SLC38A11: variants seen among roughly 807,000 people sequenced by gnomAD.
SLC38A11 encodes putative sodium-coupled neutral amino acid transporter 11.
A neutral mutation model predicts 49.4 loss-of-function variants in SLC38A11; 51 were observed. The observed-to-expected ratio is 1.03, with a 90% CI of 0.83 to 1.30. The LOEUF (loss-of-function observed/expected upper bound fraction) is 1.30. SLC38A11 is among the 50% of genes most tolerant of loss of function. The pLI, the probability that SLC38A11 is intolerant of heterozygous loss-of-function variation, is 0.00. For synonymous variants in SLC38A11, 203 were observed against 192.9 expected (o/e 1.05, Z -0.43); for missense variants, 574 against 556.2 (o/e 1.03, Z -0.32).
At chr2:164,908,800 G>A in intron 10 of SLC38A11, 29 bp from the exon 11 acceptor site, 1 of 1,587,004 alleles carries the variant, frequency 6.3e-7, no homozygotes, top group Admixed American at 1.8e-5. Context: ...ATTTTGAGAG[G>A]GACTTTTAAA....
rs1401538063 is a variant in SLC38A11, at chr2:164,915,752, T to C, written c.688+151A>G. The C allele has an allele frequency of 1.2e-5, 7 of 597,384 alleles. No individual in the cohort carries two copies. The East Asian group carries it at 1.5e-4, about 13-fold the overall frequency. 37.0% of individuals were successfully genotyped at this position (597,384 alleles called of 1,614,324 possible). A position where few individuals can be genotyped will look rare whatever the true frequency, so the allele number is the denominator to read the frequency against. On this transcript the variant is annotated intron_variant, in intron 8 of 11. Coordinates refer to ENST00000685975, the MANE Select transcript of SLC38A11 (RefSeq NM_001351537.2). ...ATGAGTGAGAAAAGTTTGAGCCTAATTTTATATTGGCACAAACTAGATCAT... is the reference window on the plus strand; with the variant it reads ...ATGAGTGAGAAAAGTTTGAGCCTAACTTTATATTGGCACAAACTAGATCAT...
At chr2:164,943,631 T>G (rs1308455186) in intron 5 of SLC38A11, among the ~76,000 whole-genome samples, 1 of 152,086 alleles carries the variant, frequency 6.6e-6, no homozygotes, top group Non-Finnish European at 1.5e-5. Flanking sequence ...TGGGGAAAAC[T>G]GGAGGGAGTG....
chr2:164,924,719 T>TTTATTTA (rs910202508), intron 7 of SLC38A11, among the ~76,000 whole-genome samples: 3 of 151,798 alleles, frequency 2.0e-5, no homozygotes, highest in Admixed American at 1.3e-4. Context: ...AAATATAAAT[T>TTTATTTA]TTATTTATTA....
In SLC38A11 at chr2:164,898,682, A is replaced by T. The variant is rs1684460590; in HGVS notation, c.1144T>A (p.Tyr382Asn). The change falls in exon 12 of 12, where the codon TAT becomes AAT. Residue 382 changes from tyrosine to asparagine, a missense_variant. Tyr to Asn is a moderately radical substitution (Grantham distance 143, BLOSUM62 -2). Transcript: ENST00000685975. ...CTTGGTTCTTCAGACAGTTTCAGAT[A>T]ACAGGCTGATGGAATGATAAAAATG... ...PLIFIIPSAC[Y>N]LKLSEEPRTH... The T allele has an allele frequency of 6.2e-7, 1 of 1,613,382 alleles. No individual in the cohort carries two copies. The highest frequency in any genetic ancestry group is 1.7e-5 in the Admixed American group (1 of 59,880).
intron 7 of SLC38A11, among the ~76,000 whole-genome samples, 173 bp from the exon 8 acceptor site, chr2:164,916,146 G>A (rs2105464350): frequency 6.6e-6 from 1 of 152,146 alleles, no homozygotes; most frequent in African/African-American, 2.4e-5. Context: ...GAGCATGAGT[G>A]TTATCTCTTA....
At chr2:164,953,537 G>T (rs1688659228) in intron 2 of SLC38A11, among the ~76,000 whole-genome samples, 1 of 152,082 alleles carries the variant, frequency 6.6e-6, no homozygotes, top group African/African-American at 2.4e-5. Context: ...AAGTACAGCT[G>T]CTCATACCTT....
At chr2:164,943,257 G>A (rs1404256493) in intron 5 of SLC38A11, among the ~76,000 whole-genome samples, 1 of 152,166 alleles carries the variant, frequency 6.6e-6, no homozygotes, top group Non-Finnish European at 1.5e-5. Context: ...AACAGGGAGT[G>A]GAGTTGTAGC....
At position 164,939,536 on chromosome 2, in the gene SLC38A11, T is replaced by C. The variant is rs1195148808; in HGVS notation, c.451A>G (p.Ile151Val). The change falls in exon 6 of 12, where the codon ATT (isoleucine) becomes GTT (valine). Residue 151 changes from isoleucine (I) to valine (V), a missense_variant. Physicochemically the swap from Ile to Val is conservative, Grantham distance 29. Coordinates refer to ENST00000685975, the MANE Select transcript of SLC38A11 (RefSeq NM_001351537.2). ...IPGVDPENVF[I>V]GRHFIIGLST... Reference sequence around the variant, plus strand: ...AGTCCAATAATGAAGTGGCGACCAATAAACACGTTTTCAGGATCAACTAAA... The same window carrying C: ...AGTCCAATAATGAAGTGGCGACCAACAAACACGTTTTCAGGATCAACTAAA... 6.2e-7 allele frequency: 1 copy of C among 1,609,364 alleles called. No homozygotes were observed. The highest frequency in any genetic ancestry group is 2.2e-5 in the East Asian group (1 of 44,672).
chr2:164,944,395 T>G (rs970384863), intron 5 of SLC38A11, among the ~76,000 whole-genome samples, 174 bp downstream of exon 5: 7 of 152,126 alleles, frequency 4.6e-5, no homozygotes, highest in Admixed American at 3.3e-4. Context: ...AAATTATGTA[T>G]AAAAGTAGAC....
chr2:164,951,730 G>A (rs1869545), intron 3 of SLC38A11, among the ~76,000 whole-genome samples: 66,692 of 151,884 alleles, frequency 0.44, 15,073 homozygotes, highest in South Asian at 0.68. Context: ...AGGGGTCTGT[G>A]GATGAAATGC....
intron 3 of SLC38A11, among the ~76,000 whole-genome samples, chr2:164,946,349 C>T (rs906162744): frequency 6.6e-6 from 1 of 151,926 alleles, no homozygotes. Context: ...GGGCAGATCT[C>T]GAGGTCAGGA....
At chr2:164,911,128 A>C (rs1018931524) in intron 10 of SLC38A11, among the ~76,000 whole-genome samples, 12 of 151,982 alleles carry the variant, frequency 7.9e-5, no homozygotes, top group African/African-American at 2.9e-4. Context: ...GTTTCAGTTG[A>C]ATTTTGGTTC....
In SLC38A11 at chr2:164,945,657, A is replaced by G; in HGVS notation, c.300T>C (p.Asn100=). 1 of 1,612,222 alleles carries G rather than the reference A, an allele frequency of 6.2e-7. No homozygotes were observed. The highest frequency in any genetic ancestry group is 8.5e-7 in the Non-Finnish European group (1 of 1,179,640). ...GATACCCTGGAAAGCCGAAAGTTTT[A>G]TTGACCAAAGACTGGTAGGTATCTG... is the stretch of plus-strand genomic sequence containing the variant. ...SGTDTYQSLV[N]KTFGFPGYLL... Residue 100 remains asparagine, a synonymous_variant, in exon 4 of 12, where the codon AAT becomes AAC. Coordinates refer to ENST00000685975, the MANE Select transcript of SLC38A11 (RefSeq NM_001351537.2).
At chr2:164,918,601 C>T (rs931417544) in intron 7 of SLC38A11, among the ~76,000 whole-genome samples, 1 of 152,028 alleles carries the variant, frequency 6.6e-6, no homozygotes, top group Non-Finnish European at 1.5e-5. Flanking sequence ...ATCACTGCAT[C>T]CTGAATATAT....
chr2:164,913,463 CA>C (rs1194659060), intron 9 of SLC38A11, among the ~76,000 whole-genome samples: 1 of 152,008 alleles, frequency 6.6e-6, no homozygotes, highest in Non-Finnish European at 1.5e-5. Context: ...GCAGTATGCA[CA>C]AATTAGACTA....
At chr2:164,925,100 C>A (rs1686478475) in intron 7 of SLC38A11, among the ~76,000 whole-genome samples, 1 of 152,162 alleles carries the variant, frequency 6.6e-6, no homozygotes. Context: ...CAGCTTGGCA[C>A]CATAAACATC....
At chr2:164,950,992 A>G (rs1688487295) in intron 3 of SLC38A11, among the ~76,000 whole-genome samples, 2 of 152,136 alleles carry the variant, frequency 1.3e-5, no homozygotes, top group Non-Finnish European at 2.9e-5. Context: ...TTATTTAAGA[A>G]TTTGGATCAT....
At chr2:164,906,766 T>G (rs1488335103) in intron 11 of SLC38A11, among the ~76,000 whole-genome samples, 1 of 152,188 alleles carries the variant, frequency 6.6e-6, no homozygotes, top group African/African-American at 2.4e-5. Flanking sequence ...AATAGACAAT[T>G]ACCAGTCTCC....
chr2:164,910,438 T>C (rs541581665), intron 10 of SLC38A11, among the ~76,000 whole-genome samples: 41 of 152,188 alleles, frequency 2.7e-4, no homozygotes, highest in Non-Finnish European at 4.9e-4. Flanking sequence ...CTAGTAAAGT[T>C]TCGAAAGGCT....
Sources: gnomAD v4.1 joint callset for allele counts (sites outside exome capture counted in the v4.1 genomes callset) on GRCh38, gnomAD v4.1.1 for gene constraint, MANE v1.5 for transcripts, NCBI Gene and HGNC (gene_info 2026-07-23, HGNC 2026-07-21) for gene names.